The following STAM2 variants were observed in gnomAD, a reference collection of about 807,000 sequenced individuals.
The protein encoded by STAM2 is signal transducing adaptor molecule 2, also known as signal transducing adapter molecule 2.
STAM2 carries 51 observed loss-of-function variants against 65.6 expected under a neutral mutation model. That is an observed-to-expected ratio of 0.78 (90% confidence interval 0.62 to 0.98). STAM2 has a LOEUF of 0.98. Ranked by LOEUF, STAM2 falls within the 50% of genes least tolerant of loss-of-function variation. STAM2 has a pLI of 0.00. For synonymous variants in STAM2, 198 were observed against 208.4 expected (o/e 0.95, Z 0.43); for missense variants, 584 against 617.8 (o/e 0.95, Z 0.58).
intron 6 of STAM2, 107 bp from the exon 7 acceptor site, chr2:152,144,120 C>A: frequency 5.2e-5 from 36 of 694,256 alleles, no homozygotes; most frequent in Non-Finnish European, 5.3e-5. Flanking sequence ...TTTTATTTGT[C>A]TAATTACATG....
intron 2 of STAM2, among the ~76,000 whole-genome samples, chr2:152,149,935 T>C (rs1419537687): frequency 4.6e-5 from 7 of 152,168 alleles, no homozygotes; most frequent in African/African-American, 1.2e-4. Flanking sequence ...AAGGAAATCA[T>C]GAGTTGGAGG....
intron 5 of STAM2, among the ~76,000 whole-genome samples, chr2:152,145,982 T>C (rs1689330970): frequency 6.6e-6 from 1 of 152,106 alleles, no homozygotes; most frequent in African/African-American, 2.4e-5. Flanking sequence ...ATAAAGAATC[T>C]TTTTTCGGCC....
rs1478361765 is a variant in STAM2, at chr2:152,143,859, T to C, written c.672A>G (p.Lys224=). ...CCAAAACAATAATTATTTCACCATG[T>C]TTAAAGGTGAGTTCATTGTCCTCAA... ...EAVEDNELTF[K]HGEIIIVLDD... Residue 224 remains lysine, a synonymous_variant, in exon 7 of 14, where the codon AAA becomes AAG. Transcript: ENST00000263904. 6.2e-7 allele frequency: 1 copy of C among 1,612,590 alleles called. No homozygotes were observed.
At chr2:152,156,547 G>T (rs913784110) in intron 1 of STAM2, among the ~76,000 whole-genome samples, 2 of 152,130 alleles carry the variant, frequency 1.3e-5, no homozygotes, top group East Asian at 3.9e-4. Context: ...CCGGCATTTG[G>T]TGGGTGTAAG....
At chr2:152,123,986 T>C (rs981402935) in intron 12 of STAM2, 51 bp from the exon 13 acceptor site, 4 of 1,430,658 alleles carry the variant, frequency 2.8e-6, no homozygotes, top group African/African-American at 1.4e-5. Context: ...AACATGTGCC[T>C]AATAATATAT....
chr2:152,135,759 A>G (rs565657379), intron 7 of STAM2, among the ~76,000 whole-genome samples, 156 bp from the exon 8 acceptor site: 4 of 152,372 alleles, frequency 2.6e-5, no homozygotes, highest in Non-Finnish European at 4.4e-5. Context: ...CGATATTAAA[A>G]AGTACAAGTA....
chr2:152,152,728 G>A (rs1689468992), intron 1 of STAM2, among the ~76,000 whole-genome samples: 1 of 152,140 alleles, frequency 6.6e-6, no homozygotes. Flanking sequence ...GGAATGGGCA[G>A]TTTCCCAAAG....
At chr2:152,173,818 T>C (rs1467803890) in intron 1 of STAM2, among the ~76,000 whole-genome samples, 1 of 152,216 alleles carries the variant, frequency 6.6e-6, no homozygotes, top group African/African-American at 2.4e-5. Context: ...CATTCTACTT[T>C]TTCTAATTCC....
At chr2:152,134,988 G>T (rs577332411) in intron 8 of STAM2, among the ~76,000 whole-genome samples, 6 of 152,298 alleles carry the variant, frequency 3.9e-5, no homozygotes, top group African/African-American at 1.4e-4. Context: ...ATCTGAAACA[G>T]GAAGCTTAGT....
chr2:152,138,665 A>C (rs1018066409), intron 7 of STAM2, among the ~76,000 whole-genome samples: 2 of 152,224 alleles, frequency 1.3e-5, no homozygotes, highest in Non-Finnish European at 2.9e-5. Flanking sequence ...GAAAGAGACG[A>C]AAGAGTTATA....
intron 1 of STAM2, among the ~76,000 whole-genome samples, chr2:152,165,132 G>A (rs1466588257): frequency 2.6e-5 from 4 of 152,038 alleles, no homozygotes; most frequent in African/African-American, 9.7e-5. Flanking sequence ...TGGGATAAAG[G>A]AAAAATGAGT....
intron 1 of STAM2, among the ~76,000 whole-genome samples, chr2:152,157,137 C>T (rs1006116701): frequency 6.6e-6 from 1 of 152,056 alleles, no homozygotes. Context: ...GAAGGACTAG[C>T]CCAAGAAGAG....
chr2:152,147,519 C>A (rs1231197931), intron 4 of STAM2, among the ~76,000 whole-genome samples: 3 of 152,096 alleles, frequency 2.0e-5, no homozygotes, highest in Non-Finnish European at 4.4e-5. Context: ...GTTTTTAACA[C>A]CAATTCCTAA....
In STAM2 at chr2:152,123,789, C is replaced by T; in HGVS notation, c.1326G>A (p.Gln442=). The T allele has an allele frequency of 6.2e-7, 1 of 1,614,166 alleles. No homozygotes were observed. The highest frequency in any genetic ancestry group is 8.5e-7 in the Non-Finnish European group (1 of 1,180,034). ...ACCTTAAATATGAAGTTTGAGCAGGCTGTGCTGTCACTGAGGAATTCACAT... is the reference window on the plus strand; with the variant it reads ...ACCTTAAATATGAAGTTTGAGCAGGTTGTGCTGTCACTGAGGAATTCACAT... The part of the protein sequence containing the change: ...PPNVNSSVTA[Q]PAQTSYLSTG... Residue 442 remains glutamine, a synonymous_variant, in exon 13 of 14, where the codon CAG becomes CAA. Transcript: ENST00000263904.
chr2:152,169,924 G>A (rs561112888), intron 1 of STAM2, among the ~76,000 whole-genome samples: 7 of 150,542 alleles, frequency 4.6e-5, no homozygotes, highest in South Asian at 2.1e-4. Flanking sequence ...CACAATCTCC[G>A]CCTCCCAGGT....
chr2:152,161,360 C>T (rs1055590701), intron 1 of STAM2, among the ~76,000 whole-genome samples: 4 of 151,034 alleles, frequency 2.6e-5, no homozygotes, highest in East Asian at 1.9e-4. Context: ...ACAAACACTG[C>T]GGAAGGCTGC....
intron 1 of STAM2, among the ~76,000 whole-genome samples, chr2:152,153,661 A>G (rs765427367): frequency 3.7e-4 from 56 of 152,132 alleles, no homozygotes; most frequent in South Asian, 2.1e-4. Context: ...AAACATACCT[A>G]CTCAGGTTTT....
chr2:152,168,887 A>G (rs1689846554), intron 1 of STAM2, among the ~76,000 whole-genome samples: 2 of 152,222 alleles, frequency 1.3e-5, no homozygotes, highest in Non-Finnish European at 2.9e-5. Context: ...TGGTTATCCA[A>G]TTCAATTCCT....
At chr2:152,122,284 T>A (rs1688870614) in intron 13 of STAM2, among the ~76,000 whole-genome samples, 1 of 151,442 alleles carries the variant, frequency 6.6e-6, no homozygotes, top group Admixed American at 6.6e-5. Context: ...TAACATTAGC[T>A]GGGTGTAGTA....
Sources: allele counts gnomAD v4.1 joint callset (sites outside exome capture counted in the v4.1 genomes callset), GRCh38; gene constraint gnomAD v4.1.1; transcripts MANE v1.5; gene names NCBI Gene and HGNC (gene_info 2026-07-23, HGNC 2026-07-21).